TENM4: variants seen among roughly 807,000 people sequenced by gnomAD.
TENM4 encodes the protein teneurin transmembrane protein 4.
In TENM4, 82 loss-of-function variants were observed where a neutral mutation model predicts 243.3. The ratio of observed to expected loss-of-function variants is 0.34; its 90% CI spans 0.28 to 0.40. The LOEUF (loss-of-function observed/expected upper bound fraction) is 0.40. Among genes scored for constraint, TENM4 ranks in the 10% least tolerant of loss-of-function variants. The probability of loss-of-function intolerance (pLI) is 1.00; values close to 1 mark genes in which losing one functional copy is unlikely to be tolerated. For synonymous variants in TENM4, 1,412 were observed against 1,456.3 expected (o/e 0.97, Z 0.69); for missense variants, 3,138 against 3,673.3 (o/e 0.85, Z 3.77).
At position 79,049,418 on chromosome 11, in the gene TENM4, A is replaced by G. The variant is rs116745877; in HGVS notation, c.493+15320T>C. On this transcript the variant is annotated intron_variant, in intron 6 of 33. Coordinates refer to ENST00000278550, the MANE Select transcript of TENM4 (RefSeq NM_001098816.3). ...GGAGGATGACTAGAGAAAGAACTACAAGGCCGTCCTGAGAAGTATACACTA... is the reference window on the plus strand; with the variant it reads ...GGAGGATGACTAGAGAAAGAACTACGAGGCCGTCCTGAGAAGTATACACTA... Among the ~76,000 whole-genome samples the G allele has an allele frequency of 5.3e-3, 804 of 152,352 alleles. 5 individuals carry two copies. Among genetic ancestry groups the G allele is most frequent in the African/African-American group, 0.018 (759 of 41,580 alleles).
rs1404041281 is a variant in TENM4, at chr11:79,138,860, A to G, written c.-66+9850T>C. 1.7e-5 allele frequency among the ~76,000 whole-genome samples: 2 copies of G among 118,968 alleles called. 1 individual carries two copies. The highest frequency in any genetic ancestry group is 3.2e-5 in the Non-Finnish European group (2 of 62,544). The allele number at this position is 118,968 out of a possible 152,430, so 78.0% of individuals were successfully genotyped here. ...CATTATATTTATATAAATATACAAAATATACCTTATATTTATATAAATATA... is the reference window on the plus strand; with the variant it reads ...CATTATATTTATATAAATATACAAAGTATACCTTATATTTATATAAATATA... On this transcript the variant is annotated intron_variant, in intron 4 of 33. Coordinates refer to ENST00000278550, the MANE Select transcript of TENM4 (RefSeq NM_001098816.3).
Position 79,094,652 on chromosome 11 carries a change from C to T in TENM4, c.-65-24643G>A, listed in dbSNP as rs185752436. Among the ~76,000 whole-genome samples, 28 of 152,290 alleles carry T rather than the reference C, an allele frequency of 1.8e-4. No individual in the cohort carries two copies. The East Asian group carries it at 4.1e-3, about 22-fold the overall frequency. On this transcript the variant is annotated intron_variant, in intron 4 of 33. Coordinates refer to ENST00000278550, the MANE Select transcript of TENM4 (RefSeq NM_001098816.3). ...CTTCAGCTCTGACTGTCTCCCCAGC[C>T]TAGGAGGCTAGGTCACAGGGCAAAA...
chr11:78,911,797 C>T (rs976482917), intron 6 of TENM4, among the ~76,000 whole-genome samples: 2 of 152,216 alleles, frequency 1.3e-5, no homozygotes, highest in African/African-American at 4.8e-5. Context: ...GATTTCCTAG[C>T]TTCCAAATGT....
chr11:79,054,984 C>T (rs906121913), intron 6 of TENM4, among the ~76,000 whole-genome samples: 14 of 151,724 alleles, frequency 9.2e-5, no homozygotes, highest in African/African-American at 3.4e-4. Context: ...AACAATTAGC[C>T]AGGCGTGGTG....
At chr11:78,801,691 C>T (rs2136076644) in intron 15 of TENM4, among the ~76,000 whole-genome samples, 1 of 152,218 alleles carries the variant, frequency 6.6e-6, no homozygotes, top group East Asian at 1.9e-4. Flanking sequence ...AGACAGTGTT[C>T]CCTCCTAGGA....
rs181238697 is a variant in TENM4 at position 79,014,903 on chromosome 11, G to T, written c.493+49835C>A. Among the ~76,000 whole-genome samples the T allele has an allele frequency of 3.0e-4, 46 of 152,320 alleles. 1 individual carries two copies. The highest frequency in any genetic ancestry group is 7.4e-5 in the Non-Finnish European group (5 of 68,016). ...CATGGGATTAATGCTCTCCTGCCTG[G>T]ACATGCCTCTGCCCCTGCACTAACT... On this transcript the variant is annotated intron_variant, in intron 6 of 33. Coordinates refer to ENST00000278550, the MANE Select transcript of TENM4 (RefSeq NM_001098816.3).
chr11:79,159,848 C>A (rs1862704695), intron 3 of TENM4, among the ~76,000 whole-genome samples: 1 of 152,218 alleles, frequency 6.6e-6, no homozygotes, highest in Admixed American at 6.5e-5. Flanking sequence ...TCCTCTTCCA[C>A]CACCTGCTGG....
chr11:79,053,018 G>A (rs1859841628), intron 6 of TENM4, among the ~76,000 whole-genome samples: 1 of 152,182 alleles, frequency 6.6e-6, no homozygotes, highest in Non-Finnish European at 1.5e-5. Flanking sequence ...CCTAAATAAA[G>A]CATCAGCTTT....
chr11:78,806,003 T>C (rs1165574181), intron 14 of TENM4, among the ~76,000 whole-genome samples: 1 of 152,122 alleles, frequency 6.6e-6, no homozygotes, highest in Non-Finnish European at 1.5e-5. Context: ...AAACTTCACT[T>C]TCCTGGCCAG....
chr11:79,416,211 G>A (rs1487185303), intron 1 of TENM4, among the ~76,000 whole-genome samples: 2 of 152,172 alleles, frequency 1.3e-5, no homozygotes, highest in East Asian at 3.8e-4. Context: ...TTCTTGTACA[G>A]GTCTTTGTAT....
intron 29 of TENM4, among the ~76,000 whole-genome samples, chr11:78,686,254 G>A (rs1314226196): frequency 6.6e-6 from 1 of 152,190 alleles, no homozygotes; most frequent in African/African-American, 2.4e-5. Flanking sequence ...CAGAGTTTGG[G>A]GAGCTGAACA....
chr11:78,693,717 T>G (rs1441107524), intron 28 of TENM4, among the ~76,000 whole-genome samples: 1 of 152,078 alleles, frequency 6.6e-6, no homozygotes, highest in Non-Finnish European at 1.5e-5. Context: ...AGAAAACACA[T>G]AAAACATTCA....
chr11:78,756,500 G>A, intron 19 of TENM4: 1 of 370,202 alleles, frequency 2.7e-6, no homozygotes, highest in Non-Finnish European at 5.1e-6. Context: ...GGATCAGTAA[G>A]AGCTGACTGC....
intron 1 of TENM4, among the ~76,000 whole-genome samples, chr11:79,361,646 C>A (rs1277905966): frequency 1.3e-5 from 2 of 152,060 alleles, no homozygotes; most frequent in African/African-American, 2.4e-5. Flanking sequence ...CCTGCAGAGA[C>A]CCTGAATGGC....
At position 79,181,065 on chromosome 11, in the gene TENM4, A is replaced by C. The variant is rs1256568982; in HGVS notation, c.-162-32259T>G. ...ACAATGTCTTCTAGGAGACAGAAGCAGAGTCAGTTCTTCCTAACTCATTCC... is the reference window on the plus strand; with the variant it reads ...ACAATGTCTTCTAGGAGACAGAAGCCGAGTCAGTTCTTCCTAACTCATTCC... On this transcript the variant is annotated intron_variant, in intron 3 of 33. Transcript: ENST00000278550. Among the ~76,000 whole-genome samples, 3 of 152,194 alleles carry C rather than the reference A, an allele frequency of 2.0e-5. No individual in the cohort carries two copies. In the East Asian group the frequency reaches 5.8e-4, roughly 29 times the overall value.
At chr11:79,050,611 T>C (rs1318414786) in intron 6 of TENM4, among the ~76,000 whole-genome samples, 1 of 152,234 alleles carries the variant, frequency 6.6e-6, no homozygotes, top group African/African-American at 2.4e-5. Context: ...GTTTATACCA[T>C]GCTTTGAACC....
intron 6 of TENM4, among the ~76,000 whole-genome samples, chr11:79,022,767 G>A (rs1858967424): frequency 6.6e-6 from 1 of 152,180 alleles, no homozygotes; most frequent in South Asian, 2.1e-4. Flanking sequence ...GAAGATTGTG[G>A]TGATAAGCAT....
At chr11:78,921,224 G>A (rs1856440491) in intron 6 of TENM4, among the ~76,000 whole-genome samples, 1 of 152,168 alleles carries the variant, frequency 6.6e-6, no homozygotes, top group Non-Finnish European at 1.5e-5. Context: ...CGGTGTGTTG[G>A]GTCCCACCTA....
chr11:79,309,860 C>A (rs1856689593), intron 1 of TENM4, among the ~76,000 whole-genome samples: 1 of 152,226 alleles, frequency 6.6e-6, no homozygotes, highest in Admixed American at 6.5e-5. Flanking sequence ...CAGAATGTGT[C>A]ATCCTCTCCC....
Sources: allele counts gnomAD v4.1 joint callset (sites outside exome capture counted in the v4.1 genomes callset), GRCh38; gene constraint gnomAD v4.1.1; transcripts MANE v1.5; gene names NCBI Gene and HGNC (gene_info 2026-07-23, HGNC 2026-07-21).